The following LTBP2 variants were observed in gnomAD, a reference collection of about 807,000 sequenced individuals.
The protein encoded by LTBP2 is latent-transforming growth factor beta-binding protein 2.
In LTBP2, 103 loss-of-function variants were observed where a neutral mutation model predicts 210.6. The ratio of observed to expected loss-of-function variants is 0.49; its 90% CI spans 0.42 to 0.58. The LOEUF is 0.58. Ranked by LOEUF, LTBP2 falls within the 20% of genes least tolerant of loss-of-function variation. The pLI, the probability that LTBP2 is intolerant of heterozygous loss-of-function variation, is 0.00. For synonymous variants in LTBP2, 1,007 were observed against 1,015.0 expected, an observed-to-expected ratio of 0.99 and a Z score of 0.15; for missense variants, 2,313 against 2,494.5, an observed-to-expected ratio of 0.93 and a Z score of 1.55.
chr14:74,606,733 C>T (rs1212737710), intron 1 of LTBP2, among the ~76,000 whole-genome samples: 1 of 152,124 alleles, frequency 6.6e-6, no homozygotes, highest in African/African-American at 2.4e-5. Context: ...CAGCTACTCA[C>T]TCGGGAGGTT....
intron 1 of LTBP2, among the ~76,000 whole-genome samples, chr14:74,609,526 C>T (rs2088576103): frequency 6.6e-6 from 1 of 152,132 alleles, no homozygotes; most frequent in Non-Finnish European, 1.5e-5. Flanking sequence ...TCTCTAGGTT[C>T]CCCTACACCA....
At chr14:74,583,877 G>A (rs1485905255) in intron 3 of LTBP2, among the ~76,000 whole-genome samples, 2 of 152,214 alleles carry the variant, frequency 1.3e-5, no homozygotes, top group Non-Finnish European at 2.9e-5. Context: ...AAGGCAGGGT[G>A]AAAAGTGCTG....
At chr14:74,546,950 T>C (rs1030878477) in intron 8 of LTBP2, among the ~76,000 whole-genome samples, 1 of 152,206 alleles carries the variant, frequency 6.6e-6, no homozygotes, top group African/African-American at 2.4e-5. Flanking sequence ...TCAGAAGTGC[T>C]TCCAAGATCT....
Position 74,505,059 on chromosome 14 carries a change from G to A in LTBP2, c.4293C>T (p.Thr1431=). Reference sequence around the variant, plus strand: ...GGGTGCAGCAGCATTCAGCCTGTGTGGTGTTCCGGCCCAGGACACTGGAGC... The same window carrying A: ...GGGTGCAGCAGCATTCAGCCTGTGTAGTGTTCCGGCCCAGGACACTGGAGC... ...APCSSVLGRN[T]TQAECCCTQG... is the part of the protein sequence containing the mutation. Residue 1431 remains threonine, a synonymous_variant, in exon 29 of 36, where the codon ACC becomes ACT. Transcript: ENST00000261978. 2 of 1,614,192 alleles carry A rather than the reference G, an allele frequency of 1.2e-6. No homozygotes were observed. Among genetic ancestry groups the A allele is most frequent in the Non-Finnish European group, 1.7e-6 (2 of 1,180,044 alleles).
intron 3 of LTBP2, among the ~76,000 whole-genome samples, chr14:74,567,570 T>C (rs1566642704): frequency 6.6e-6 from 1 of 152,072 alleles, no homozygotes; most frequent in East Asian, 1.9e-4. Context: ...AGCCCTCTTC[T>C]TCCCACCAGG....
intron 14 of LTBP2, among the ~76,000 whole-genome samples, 196 bp from the exon 15 acceptor site, chr14:74,525,421 T>C (rs1041976474): frequency 1.1e-4 from 16 of 152,210 alleles, no homozygotes; most frequent in Non-Finnish European, 8.8e-5. Flanking sequence ...TTGGAGCACA[T>C]CCAGTCTAAT....
chr14:74,532,839 ATTTAT>A (rs1222896804), intron 9 of LTBP2, among the ~76,000 whole-genome samples: 2 of 152,074 alleles, frequency 1.3e-5, no homozygotes, highest in Non-Finnish European at 1.5e-5. Flanking sequence ...ATGTTTATTT[ATTTAT>A]TTATCTATTT....
chr14:74,504,825 T>C lies in LTBP2; in HGVS notation c.4406A>G (p.Tyr1469Cys). Residue 1469 changes from tyrosine to cysteine, a missense_variant, in exon 30 of 36, where the codon TAC becomes TGC. Physicochemically the swap from Tyr to Cys is radical, Grantham distance 194. Transcript: ENST00000261978. ...CGTCCAGGCTCCTTCCACAGGAATG[T>C]AGCCTTTTCCACTAGGGCAGATCTC... ...FSEICPSGKG[Y>C]IPVEGAWTFG... The C allele has an allele frequency of 3.1e-6, 5 of 1,614,252 alleles. No homozygotes were observed. The highest frequency in any genetic ancestry group is 4.2e-6 in the Non-Finnish European group (5 of 1,180,032).
rs1480904208 is a variant in LTBP2 at position 74,511,369 on chromosome 14, A to C, written c.2909-5T>G. On this transcript the variant is annotated splice_polypyrimidine_tract_variant and splice_region_variant and intron_variant, in intron 18 of 35. Coordinates refer to ENST00000261978, the MANE Select transcript of LTBP2 (RefSeq NM_000428.3). ...GGTGACGGCATTCGTTGATATCTGC[A>C]AAACAGCAGCCCCTCCCTTGGTCAT... 6.2e-7 allele frequency: 1 copy of C among 1,614,018 alleles called. No individual in the cohort carries two copies.
rs779396787 is a variant in LTBP2, at chr14:74,522,897, C to T, written c.2552G>A (p.Gly851Glu). 4 of 1,612,202 alleles carry T rather than the reference C, an allele frequency of 2.5e-6. No homozygotes were observed. The highest frequency in any genetic ancestry group is 1.7e-5 in the Admixed American group (1 of 59,768). ...TCCAGGGCCACAGACGTTGGTGGCT[C>T]CAGCAGCGCATCTGTCAATGCCTGT... The part of the protein sequence containing the change: ...STPGIDRCAA[G>E]ATNVCGPGTC... The change falls in exon 16 of 36, where the codon GGA becomes GAA. Residue 851 changes from glycine (G) to glutamate (E), a missense_variant. Gly to Glu is a moderately conservative substitution (Grantham distance 98). Around this residue, in one of 3 missense-constraint regions of LTBP2, gnomAD observed 1,867 missense variants for 1,976.9 expected, o/e 0.94. Coordinates refer to ENST00000261978, the MANE Select transcript of LTBP2 (RefSeq NM_000428.3).
chr14:74,581,365 G>A (rs919853150), intron 3 of LTBP2, among the ~76,000 whole-genome samples: 1 of 152,196 alleles, frequency 6.6e-6, no homozygotes, highest in Admixed American at 6.5e-5. Flanking sequence ...ATAGAGAGAT[G>A]GTCCTGGATT....
At chr14:74,583,480 C>G (rs1021839126) in intron 3 of LTBP2, among the ~76,000 whole-genome samples, 1 of 152,242 alleles carries the variant, frequency 6.6e-6, no homozygotes, top group African/African-American at 2.4e-5. Context: ...CCCCAGGGCA[C>G]AGAGAGACTA....
rs947182884 is a variant in LTBP2, at chr14:74,507,192, G to A, written c.3894C>T (p.Asn1298=). Residue 1298 remains asparagine, a synonymous_variant, in exon 26 of 36, where the codon AAC becomes AAT. Transcript: ENST00000261978. Reference sequence around the variant, plus strand: ...CTCCCTACTCACCAATGCAGTCTCCGTTCGGGGCCATGTGGAAGCCAGGCT... The same window carrying A: ...CTCCCTACTCACCAATGCAGTCTCCATTCGGGGCCATGTGGAAGCCAGGCT... ...GCQPGFHMAP[N]GDCIDIDECA... 1.7e-5 allele frequency: 27 copies of A among 1,614,000 alleles called. No homozygotes were observed. Among genetic ancestry groups the A allele is most frequent in the South Asian group, 1.3e-4 (12 of 91,086 alleles).
chr14:74,537,467 G>A (rs1488202408), intron 8 of LTBP2, among the ~76,000 whole-genome samples: 1 of 152,178 alleles, frequency 6.6e-6, no homozygotes, highest in Non-Finnish European at 1.5e-5. Context: ...TATTTCAAAG[G>A]TCTTGCTCTA....
intron 3 of LTBP2, among the ~76,000 whole-genome samples, chr14:74,559,546 G>A (rs961411739): frequency 6.6e-6 from 1 of 152,132 alleles, no homozygotes; most frequent in East Asian, 1.9e-4. Flanking sequence ...TGTGTGGAGG[G>A]CTGCAGGTTC....
chr14:74,582,430 A>G (rs979148582), intron 3 of LTBP2, among the ~76,000 whole-genome samples: 2 of 126,760 alleles, frequency 1.6e-5, no homozygotes, highest in Non-Finnish European at 3.5e-5. Context: ...ACACACACAC[A>G]CACTCCAGTT....
At chr14:74,594,057 G>C (rs1481443721) in intron 2 of LTBP2, among the ~76,000 whole-genome samples, 1 of 152,124 alleles carries the variant, frequency 6.6e-6, no homozygotes, top group Non-Finnish European at 1.5e-5. Flanking sequence ...CCTGTGGCTA[G>C]AAAAGGCCCA....
chr14:74,560,336 G>T (rs2087778164), intron 3 of LTBP2, among the ~76,000 whole-genome samples: 2 of 152,102 alleles, frequency 1.3e-5, no homozygotes, highest in Admixed American at 1.3e-4. Flanking sequence ...TCACAGGCCA[G>T]CACAGAGCCA....
At chr14:74,540,873 A>G (rs1389412757) in intron 8 of LTBP2, among the ~76,000 whole-genome samples, 1 of 103,314 alleles carries the variant, frequency 9.7e-6, no homozygotes, top group African/African-American at 3.7e-5. Flanking sequence ...ATATTTATAT[A>G]TATAATATAT....
Sources: gnomAD v4.1 joint callset for allele counts (sites outside exome capture counted in the v4.1 genomes callset) on GRCh38, gnomAD v4.1.1 for gene constraint, gnomAD v4.1.1 regional missense constraint, MANE v1.5 for transcripts, NCBI Gene and HGNC (gene_info 2026-07-23, HGNC 2026-07-21) for gene names.